CSMD1: variants seen among roughly 807,000 people sequenced by gnomAD.
CSMD1 encodes the protein CUB and Sushi multiple domains 1.
A neutral mutation model predicts 417.5 loss-of-function variants in CSMD1; 213 were observed. The observed-to-expected ratio is 0.51, with a 90% confidence interval of 0.46 to 0.57. The LOEUF (loss-of-function observed/expected upper bound fraction) is 0.57. Among genes scored for constraint, CSMD1 ranks in the 20% least tolerant of loss-of-function variants. The pLI is 0.00. For missense variants in CSMD1, 6,923 were observed against 4,529.7 expected, an observed-to-expected ratio of 1.53 and a Z score of -15.17; for synonymous variants, 2,862 against 1,736.8, an observed-to-expected ratio of 1.65 and a Z score of -16.11.
intron 2 of CSMD1, among the ~76,000 whole-genome samples, chr8:4,550,484 G>C (rs923468496): frequency 1.4e-4 from 22 of 151,940 alleles, no homozygotes; most frequent in African/African-American, 4.6e-4. Flanking sequence ...TGATACATCA[G>C]CTTATTCTCT....
At chr8:4,213,760 G>A (rs542870881) in intron 3 of CSMD1, among the ~76,000 whole-genome samples, 43 of 152,136 alleles carry the variant, frequency 2.8e-4, no homozygotes, top group Non-Finnish European at 4.7e-4. Flanking sequence ...GGCTGAGATG[G>A]GGTTCCCTGC....
intron 50 of CSMD1, among the ~76,000 whole-genome samples, chr8:3,044,977 C>G (rs970767722): frequency 1.3e-5 from 2 of 152,188 alleles, no homozygotes; most frequent in Non-Finnish European, 2.9e-5. Flanking sequence ...TTTATGCTTA[C>G]TCTGCCAGAT....
intron 3 of CSMD1, among the ~76,000 whole-genome samples, chr8:4,149,474 T>A (rs1007460271): frequency 4.6e-5 from 7 of 152,182 alleles, no homozygotes; most frequent in African/African-American, 1.7e-4. Context: ...CCAATATATT[T>A]GAAGGATTAC....
chr8:4,595,387 C>CTTTTTTTTTTTTTTTCTTTTTT, intron 2 of CSMD1, among the ~76,000 whole-genome samples: 12 of 147,322 alleles, frequency 8.1e-5, no homozygotes, highest in Non-Finnish European at 9.0e-5. Context: ...CATTCATTTT[C>CTTTTTTTTTTTTTTTCTTTTTT]ATTCCATCCA....
At chr8:3,031,966 A>G (rs608698) in intron 50 of CSMD1, among the ~76,000 whole-genome samples, 2 of 123,344 alleles carry the variant, frequency 1.6e-5, no homozygotes, top group South Asian at 2.3e-4. Flanking sequence ...ATATGTGTGT[A>G]TGTGTGTGTA....
chr8:4,421,136 T>G (rs1369115393), intron 2 of CSMD1, among the ~76,000 whole-genome samples: 1 of 146,754 alleles, frequency 6.8e-6, no homozygotes, highest in African/African-American at 2.6e-5. Flanking sequence ...GACTGATGAA[T>G]GGAAAAAGAA....
At chr8:3,878,633 G>A (rs7842376) in intron 5 of CSMD1, among the ~76,000 whole-genome samples, 2,519 of 152,250 alleles carry the variant, frequency 0.017, 63 homozygotes, top group African/African-American at 0.056. Flanking sequence ...TTTATTGACA[G>A]AAAAATCTCC....
chr8:2,996,080 A>G (rs1231466810), intron 54 of CSMD1, among the ~76,000 whole-genome samples: 1 of 152,006 alleles, frequency 6.6e-6, no homozygotes, highest in East Asian at 1.9e-4. Flanking sequence ...TCTGTATTAT[A>G]CCTAGTGCCT....
chr8:4,030,699 G>A (rs935529214), intron 4 of CSMD1, among the ~76,000 whole-genome samples: 3 of 152,134 alleles, frequency 2.0e-5, no homozygotes, highest in Admixed American at 6.5e-5. Context: ...ACAAATTTCT[G>A]CAGTTGGCTT....
chr8:3,031,478 A>C (rs1032000369), intron 50 of CSMD1, among the ~76,000 whole-genome samples: 1 of 152,114 alleles, frequency 6.6e-6, no homozygotes, highest in Non-Finnish European at 1.5e-5. Flanking sequence ...AATAAAAAAA[A>C]ATTATTTTTA....
At chr8:3,435,837 G>A (rs1031634200) in intron 12 of CSMD1, among the ~76,000 whole-genome samples, 1 of 152,170 alleles carries the variant, frequency 6.6e-6, no homozygotes, top group Non-Finnish European at 1.5e-5. Flanking sequence ...ACATGGCAGG[G>A]GGCTGATGCC....
intron 8 of CSMD1, among the ~76,000 whole-genome samples, chr8:3,595,477 G>T (rs997466988): frequency 6.6e-6 from 1 of 152,168 alleles, no homozygotes; most frequent in East Asian, 1.9e-4. Flanking sequence ...ATGCATCAGA[G>T]AGTAGATGGA....
intron 5 of CSMD1, among the ~76,000 whole-genome samples, chr8:3,895,554 C>A (rs796772159): frequency 6.6e-6 from 1 of 151,956 alleles, no homozygotes; most frequent in Non-Finnish European, 1.5e-5. Flanking sequence ...AGGATATAAG[C>A]ACATGAAATA....
chr8:3,425,449 G>C (rs1017047537), intron 12 of CSMD1, among the ~76,000 whole-genome samples: 1 of 151,910 alleles, frequency 6.6e-6, no homozygotes, highest in African/African-American at 2.4e-5. Context: ...TTAGCTGGGC[G>C]TGGTGGCACC....
intron 1 of CSMD1, among the ~76,000 whole-genome samples, chr8:4,773,581 G>A (rs1425339046): frequency 2.0e-5 from 3 of 151,976 alleles, no homozygotes; most frequent in Non-Finnish European, 4.4e-5. Flanking sequence ...CTCCTTTCTC[G>A]TCTATATCAG....
At chr8:3,546,926 G>A (rs748976940) in intron 10 of CSMD1, among the ~76,000 whole-genome samples, 2 of 152,340 alleles carry the variant, frequency 1.3e-5, no homozygotes, top group African/African-American at 4.8e-5. Flanking sequence ...TTTAGATGGA[G>A]GGAGGATATC....
intron 3 of CSMD1, among the ~76,000 whole-genome samples, chr8:4,388,414 G>A (rs1216046668): frequency 2.0e-5 from 3 of 151,942 alleles, no homozygotes; most frequent in Non-Finnish European, 4.4e-5. Flanking sequence ...AGACCTGGAT[G>A]ACATTGGAGA....
intron 1 of CSMD1, among the ~76,000 whole-genome samples, chr8:4,711,008 G>A (rs545546124): frequency 3.3e-4 from 50 of 152,234 alleles, no homozygotes; most frequent in Non-Finnish European, 2.1e-4. Context: ...GTGACGGACA[G>A]ATGTGCCCAG....
chr8:3,768,020 C>A (rs1051408539), intron 5 of CSMD1, among the ~76,000 whole-genome samples: 1 of 152,060 alleles, frequency 6.6e-6, no homozygotes, highest in African/African-American at 2.4e-5. Context: ...CATGAATGCA[C>A]CAGGTATACA....
Sources: allele counts gnomAD v4.1 joint callset (sites outside exome capture counted in the v4.1 genomes callset), GRCh38; gene constraint gnomAD v4.1.1; transcripts MANE v1.5; gene names NCBI Gene and HGNC (gene_info 2026-07-23, HGNC 2026-07-21).